PHLDB1: variants seen among roughly 807,000 people sequenced by gnomAD.
The protein encoded by PHLDB1 is pleckstrin homology like domain family B member 1, also known as pleckstrin homology-like domain family B member 1.
In PHLDB1, 65 loss-of-function variants were observed where a neutral mutation model predicts 139.3. The ratio of observed to expected loss-of-function variants is 0.47; its 90% CI spans 0.38 to 0.57. The LOEUF (loss-of-function observed/expected upper bound fraction) is 0.57, where lower values mean the gene tolerates loss of function less well. Among genes scored for constraint, PHLDB1 ranks in the 20% least tolerant of loss-of-function variants. PHLDB1 has a pLI of 0.00. For synonymous variants in PHLDB1, 679 were observed against 734.5 expected (o/e 0.92, Z 1.22); for missense variants, 1,624 against 1,839.7 (o/e 0.88, Z 2.14).
At chr11:118,635,164 G>C in intron 9 of PHLDB1, 1 of 595,782 alleles carries the variant, frequency 1.7e-6, no homozygotes, top group Non-Finnish European at 3.0e-6. Flanking sequence ...GGACACCAGG[G>C]TCGGTGCTGC....
At chr11:118,643,604 A>G (rs1257212666) in intron 13 of PHLDB1, 196 bp from the exon 14 acceptor site, 1 of 985,224 alleles carries the variant, frequency 1.0e-6, no homozygotes, top group Non-Finnish European at 1.2e-6. Context: ...CCAGGGAGGA[A>G]CAGCCTGGAA....
intron 5 of PHLDB1, among the ~76,000 whole-genome samples, chr11:118,626,521 C>T (rs889147530): frequency 7.9e-5 from 12 of 152,048 alleles, no homozygotes; most frequent in African/African-American, 2.9e-4. Context: ...GTAGCTGGGA[C>T]TACAGGTGCA....
At chr11:118,640,450 G>C (rs186184917) in intron 12 of PHLDB1, 7 of 152,218 alleles carry the variant, frequency 4.6e-5, no homozygotes, top group African/African-American at 1.7e-4. Flanking sequence ...TGATGAATAC[G>C]ACAGTCCCTA....
chr11:118,654,713 C>CTTTTTTTTTT (rs5795131), intron 20 of PHLDB1: 3 of 83,532 alleles, frequency 3.6e-5, no homozygotes, highest in African/African-American at 4.8e-5. Context: ...CTTTCTTTCT[C>CTTTTTTTTTT]TTTTTTTTTT....
Position 118,610,680 on chromosome 11 carries a change from A to C in PHLDB1, c.-22+2981A>C, listed in dbSNP as rs1302112529. 6.6e-6 allele frequency among the ~76,000 whole-genome samples: 1 copy of C among 152,200 alleles called. No individual in the cohort carries two copies. The highest frequency in any genetic ancestry group is 1.5e-5 in the Non-Finnish European group (1 of 68,032). ...GTCAGTGCCCGTTGGTGCTGGAGCC[A>C]GTCGGCCCTTCCTTGGCCTCCTTCA... On this transcript the variant is annotated intron_variant, in intron 1 of 22. Transcript: ENST00000600882. This position sits in a 1 kb window ranked among gnomAD's most constrained non-coding sequence, Gnocchi z 8.7.
At chr11:118,642,227 T>A in intron 12 of PHLDB1, 27 bp from the exon 13 acceptor site, 1 of 1,598,170 alleles carries the variant, frequency 6.3e-7, no homozygotes, top group Non-Finnish European at 8.5e-7. Context: ...TCCTGTCCCC[T>A]TTTCCCCTCC....
chr11:118,624,955 A>C lies in PHLDB1; in HGVS notation c.377A>C (p.Gln126Pro). ...GCAGGCTGCATGTTGTGCCTGGGTC[A>C]GTCCACCTTCCTTCGCTTTAACCAC... ...LTQGCMLCLG[Q>P]STFLRFNHPA... The change falls in exon 5 of 23, where the codon CAG becomes CCG. Residue 126 changes from glutamine to proline, a missense_variant. Gln to Pro is a moderately conservative substitution (Grantham distance 76). Transcript: ENST00000600882. 6.2e-7 allele frequency: 1 copy of C among 1,614,114 alleles called. No homozygotes were observed. The highest frequency in any genetic ancestry group is 1.1e-5 in the South Asian group (1 of 91,090).
intron 5 of PHLDB1, 173 bp from the exon 6 acceptor site, chr11:118,627,132 G>GCTAA: frequency 1.6e-6 from 1 of 626,122 alleles, no homozygotes; most frequent in Non-Finnish European, 2.8e-6. Flanking sequence ...AAGTGACTTG[G>GCTAA]CTAAGGTTGC....
Position 118,609,633 on chromosome 11 carries a change from G to A in PHLDB1, c.-22+1934G>A, listed in dbSNP as rs374696389. Among the ~76,000 whole-genome samples, 133 of 152,290 alleles carry A rather than the reference G, an allele frequency of 8.7e-4. No homozygotes were observed. The Middle Eastern group carries it at 0.01, about 12-fold the overall frequency. ...TTCCCGCAGCTGCCAGGCTCGGAAC[G>A]GGCGGTGTCTGTGGGGGCCGCCCCG... On this transcript the variant is annotated intron_variant, in intron 1 of 22. Transcript: ENST00000600882.
At position 118,643,824 on chromosome 11, in the gene PHLDB1, G is replaced by C. The variant is rs374599436; in HGVS notation, c.2902G>C (p.Glu968Gln). ...GGTTTACCGCTCCAAGATGGATGGC[G>C]AGGCCACCAGCCCCCTTCCCCGGAC... is the stretch of plus-strand genomic sequence containing the variant. ...LQVYRSKMDGEATSPLPRTRS... is the reference protein window; with the variant it reads ...LQVYRSKMDGQATSPLPRTRS... The change falls in exon 14 of 23, where the codon GAG becomes CAG. Residue 968 changes from glutamate to glutamine, a missense_variant. Transcript: ENST00000600882. 4 of 1,614,080 alleles carry C rather than the reference G, an allele frequency of 2.5e-6. No homozygotes were observed. Among genetic ancestry groups the C allele is most frequent in the Non-Finnish European group, 3.4e-6 (4 of 1,180,002 alleles).
chr11:118,642,448 A>G, intron 13 of PHLDB1, 54 bp downstream of exon 13: 2 of 1,566,222 alleles, frequency 1.3e-6, no homozygotes, highest in Non-Finnish European at 1.7e-6. Flanking sequence ...GTCCACTCTG[A>G]TACCTCCTGC....
At chr11:118,647,763 C>T in intron 17 of PHLDB1, 167 bp from the exon 18 acceptor site, 1 of 672,846 alleles carries the variant, frequency 1.5e-6, no homozygotes, top group South Asian at 2.0e-5. Context: ...TAAAGCATTT[C>T]TCTTTAACCA....
chr11:118,613,432 T>C, intron 1 of PHLDB1: 1 of 993,892 alleles, frequency 1.0e-6, no homozygotes, highest in Non-Finnish European at 1.2e-6. Flanking sequence ...GGGGCTTCCT[T>C]GCTGCTTCTC....
chr11:118,642,597 A>T (rs1019358668), intron 13 of PHLDB1, among the ~76,000 whole-genome samples: 2 of 152,224 alleles, frequency 1.3e-5, no homozygotes, highest in Admixed American at 1.3e-4. Flanking sequence ...CAGCCTCCAT[A>T]GTCTAAAACT....
rs1413762470 is a variant in PHLDB1 at position 118,620,631 on chromosome 11, A to G, written c.356-4303A>G. Among the ~76,000 whole-genome samples the G allele has an allele frequency of 6.6e-6, 1 of 152,176 alleles. No individual in the cohort carries two copies. On this transcript the variant is annotated intron_variant, in intron 4 of 22. Coordinates refer to ENST00000600882, the MANE Select transcript of PHLDB1 (RefSeq NM_001144758.3). The surrounding 1 kb of genome is among the most constrained non-coding windows in gnomAD (Gnocchi z 4.1). ...AGGGCTCTTTGCTGGGTCTAGCACA[A>G]CTGGATGTTGTGGCTGGGGTGCGGG...
In PHLDB1 at chr11:118,631,252, A is replaced by C; in HGVS notation, c.1873A>C (p.Ser625Arg). The change falls in exon 7 of 23, where the codon AGC becomes CGC. Residue 625 changes from serine (S) to arginine (R), a missense_variant. Physicochemically the swap from Ser to Arg is moderately radical, Grantham distance 110. Transcript: ENST00000600882. ...CATCCTGAACCTGTGTGCCGAATAC[A>C]GCCGGGCTGATGGGGGACCTGAGGC... ...ETILNLCAEY[S>R]RADGGPEAGE... 1 of 1,479,052 alleles carries C rather than the reference A, an allele frequency of 6.8e-7. No homozygotes were observed. Among genetic ancestry groups the C allele is most frequent in the Non-Finnish European group, 9.0e-7 (1 of 1,115,160 alleles). 91.6% of individuals were successfully genotyped at this position (1,479,052 alleles called of 1,614,324 possible). A position where few individuals can be genotyped will look rare whatever the true frequency, so the allele number is the denominator to read the frequency against.
chr11:118,631,719 G>C (rs1368257083), intron 7 of PHLDB1, among the ~76,000 whole-genome samples, 194 bp from the exon 8 acceptor site: 1 of 152,226 alleles, frequency 6.6e-6, no homozygotes, highest in East Asian at 1.9e-4. Context: ...CTGGCACTCA[G>C]TGGTAAATAT....
intron 10 of PHLDB1, among the ~76,000 whole-genome samples, chr11:118,636,237 T>G (rs1945623674): frequency 1.3e-5 from 2 of 152,200 alleles, no homozygotes; most frequent in Admixed American, 1.3e-4. Flanking sequence ...CCCTTATGGC[T>G]GAAGCTTGTG....
chr11:118,644,710 AG>A (rs1947176902), intron 15 of PHLDB1: 4 of 1,287,088 alleles, frequency 3.1e-6, no homozygotes, highest in Non-Finnish European at 4.1e-6. Context: ...TTGGTCATAG[AG>A]GGCATTGCTT....
Sources: gnomAD v4.1 joint callset for allele counts (sites outside exome capture counted in the v4.1 genomes callset) on GRCh38, gnomAD v4.1.1 for gene constraint, Gnocchi (gnomAD v3.1) non-coding constraint, MANE v1.5 for transcripts, NCBI Gene and HGNC (gene_info 2026-07-23, HGNC 2026-07-21) for gene names.